Variants in PDE8A observed in about 807,000 individuals in gnomAD.
PDE8A encodes phosphodiesterase 8A.
In PDE8A, 59 loss-of-function variants were observed where a neutral mutation model predicts 105.0. The observed-to-expected ratio is 0.56, with a 90% CI of 0.46 to 0.70. The LOEUF (loss-of-function observed/expected upper bound fraction) is 0.70. Ranked by LOEUF, PDE8A falls within the 30% of genes least tolerant of loss-of-function variation. The probability of loss-of-function intolerance (pLI) is 0.00; values close to 1 mark genes in which losing one functional copy is unlikely to be tolerated. For synonymous variants in PDE8A, 355 were observed against 371.9 expected (o/e 0.95, Z 0.52); for missense variants, 1,014 against 1,045.9 (o/e 0.97, Z 0.42).
chr15:85,005,241 A>G (rs892985885), intron 1 of PDE8A, among the ~76,000 whole-genome samples: 1 of 152,098 alleles, frequency 6.6e-6, no homozygotes, highest in Non-Finnish European at 1.5e-5. Flanking sequence ...CAGCCCCCTG[A>G]GTAGCTGGGA....
intron 20 of PDE8A, among the ~76,000 whole-genome samples, chr15:85,133,309 A>G (rs955855648): frequency 6.6e-6 from 1 of 152,178 alleles, no homozygotes; most frequent in Non-Finnish European, 1.5e-5. Flanking sequence ...TTTCCTGAGC[A>G]GTAGTCATTG....
chr15:85,067,166 C>T lies in PDE8A; in HGVS notation c.396C>T (p.His132=). 6.2e-7 allele frequency: 1 copy of T among 1,613,884 alleles called. No homozygotes were observed. The highest frequency in any genetic ancestry group is 8.5e-7 in the Non-Finnish European group (1 of 1,179,882). ...ATCATGACATTATCATCATAGACCA[C>T]AGAAATCCTCGACAGCTGGATGCAG... ...DKHHDIIIID[H]RNPRQLDAEA... is the part of the protein sequence containing the mutation. Residue 132 remains histidine (H), a synonymous_variant, in exon 3 of 22, where the codon CAC becomes CAT. Transcript: ENST00000394553.
chr15:85,035,197 CTTTTTTTTTTT>C (rs35548176), intron 1 of PDE8A, among the ~76,000 whole-genome samples: 2 of 57,766 alleles, frequency 3.5e-5, no homozygotes, highest in Admixed American at 2.6e-4. Flanking sequence ...TGGGTATTTC[CTTTTTTTTTTT>C]TTTTTTTTTT....
intron 7 of PDE8A, chr15:85,090,820 T>C (rs1341113091): frequency 3.7e-6 from 2 of 543,762 alleles, no homozygotes; most frequent in South Asian, 1.5e-5. Flanking sequence ...CAGGAGAACA[T>C]AGCAGAAAGC....
At position 85,136,685 on chromosome 15, in the gene PDE8A, A is replaced by G. The variant is rs2141663808; in HGVS notation, c.2383+22A>G. On this transcript the variant is annotated intron_variant, in intron 21 of 21. Coordinates refer to ENST00000394553, the MANE Select transcript of PDE8A (RefSeq NM_002605.3). ...GATGGTAAGAAATCTTCCTTAAAAT[A>G]GCATATTTTCCTCTAAATAATGGGG... is the stretch of plus-strand genomic sequence containing the variant. 1.9e-6 allele frequency: 3 copies of G among 1,609,888 alleles called. No individual in the cohort carries two copies. The East Asian group carries it at 6.7e-5, about 36-fold the overall frequency.
intron 1 of PDE8A, among the ~76,000 whole-genome samples, chr15:85,039,852 A>T (rs868463151): frequency 9.9e-5 from 15 of 152,206 alleles, no homozygotes; most frequent in Non-Finnish European, 8.8e-5. Flanking sequence ...AGAGACAAAT[A>T]CCCTATGATT....
At chr15:85,030,627 C>T (rs940937238) in intron 1 of PDE8A, among the ~76,000 whole-genome samples, 11 of 152,220 alleles carry the variant, frequency 7.2e-5, no homozygotes, top group African/African-American at 1.9e-4. Flanking sequence ...GCCTCATCTA[C>T]TGTGGAATCC....
chr15:85,045,159 G>C (rs1046979291), intron 1 of PDE8A, among the ~76,000 whole-genome samples: 2 of 152,070 alleles, frequency 1.3e-5, no homozygotes, highest in Admixed American at 6.5e-5. Context: ...TGCCTCAGAG[G>C]GGCCTTCCTT....
At chr15:85,068,023 A>T (rs1374257529) in intron 3 of PDE8A, among the ~76,000 whole-genome samples, 2 of 151,004 alleles carry the variant, frequency 1.3e-5, no homozygotes, top group African/African-American at 4.9e-5. Context: ...ACAATAAGCC[A>T]TCATCATTGT....
chr15:85,008,655 C>T (rs937307306), intron 1 of PDE8A, among the ~76,000 whole-genome samples: 13 of 152,130 alleles, frequency 8.5e-5, no homozygotes, highest in African/African-American at 2.9e-4. Context: ...TCTTTGCATT[C>T]GGCCAAACCC....
chr15:85,102,535 T>A (rs376428805), intron 11 of PDE8A, among the ~76,000 whole-genome samples: 4 of 151,486 alleles, frequency 2.6e-5, no homozygotes, highest in African/African-American at 9.7e-5. Context: ...TTTTTTTTTT[T>A]AACTCTTAAG....
In PDE8A at chr15:85,021,971, G is replaced by C. The variant is rs2080434063; in HGVS notation, c.186+39623G>C. 5.3e-5 allele frequency among the ~76,000 whole-genome samples: 8 copies of C among 152,278 alleles called. No homozygotes were observed. The South Asian group carries it at 1.7e-3, about 32-fold the overall frequency. On this transcript the variant is annotated intron_variant, in intron 1 of 21. Coordinates refer to ENST00000394553, the MANE Select transcript of PDE8A (RefSeq NM_002605.3). The stretch of plus-strand genomic sequence containing the variant: ...TGATCACTTAAGGTGGTGCCTGCCA[G>C]GTTTCCTTAGTATTTTCTGCTTTGA...
At chr15:85,044,689 G>A (rs985351790) in intron 1 of PDE8A, among the ~76,000 whole-genome samples, 7 of 152,128 alleles carry the variant, frequency 4.6e-5, no homozygotes, top group African/African-American at 1.4e-4. Flanking sequence ...CTCTGTGGCC[G>A]GCCCCAGGCC....
At chr15:85,017,698 C>T (rs1411000006) in intron 1 of PDE8A, among the ~76,000 whole-genome samples, 1 of 151,812 alleles carries the variant, frequency 6.6e-6, no homozygotes, top group Non-Finnish European at 1.5e-5. Context: ...ACCAGCCTGG[C>T]CAACATGGTG....
At chr15:85,023,804 AG>A (rs2141359764) in intron 1 of PDE8A, among the ~76,000 whole-genome samples, 1 of 152,096 alleles carries the variant, frequency 6.6e-6, no homozygotes, top group African/African-American at 2.4e-5. Context: ...ACATTGGTGG[AG>A]GGGGGATGAC....
chr15:85,053,661 T>G (rs953036549), intron 1 of PDE8A, among the ~76,000 whole-genome samples: 3 of 152,238 alleles, frequency 2.0e-5, no homozygotes, highest in African/African-American at 7.2e-5. Context: ...TTTTGCACAT[T>G]GATTTTGTAT....
At chr15:85,091,231 G>C in intron 8 of PDE8A, 50 bp downstream of exon 8, 7 of 1,513,376 alleles carry the variant, frequency 4.6e-6, no homozygotes, top group Non-Finnish European at 6.3e-6. Flanking sequence ...CAGAGAGAAG[G>C]AAGACTTAGT....
At chr15:85,035,264 A>C (rs1292473176) in intron 1 of PDE8A, among the ~76,000 whole-genome samples, 1 of 123,598 alleles carries the variant, frequency 8.1e-6, no homozygotes, top group Non-Finnish European at 1.6e-5. Flanking sequence ...GCTGGAGTGC[A>C]ATGGCACAAT....
chr15:85,057,613 C>T (rs772323992), intron 1 of PDE8A, among the ~76,000 whole-genome samples: 9 of 152,196 alleles, frequency 5.9e-5, no homozygotes, highest in Admixed American at 1.3e-4. Context: ...TCTTCCATGT[C>T]GCGCACGCTG....
Sources: gnomAD v4.1 joint callset for allele counts (sites outside exome capture counted in the v4.1 genomes callset) on GRCh38, gnomAD v4.1.1 for gene constraint, MANE v1.5 for transcripts, NCBI Gene and HGNC (gene_info 2026-07-23, HGNC 2026-07-21) for gene names.